Variants in SPEF2 observed in about 807,000 individuals in gnomAD.
The protein encoded by SPEF2 is sperm flagellar and cilia associated 2.
A neutral mutation model predicts 224.6 loss-of-function variants in SPEF2; 187 were observed. That is an observed-to-expected ratio of 0.83 (90% CI 0.74 to 0.94). The LOEUF is 0.94. Among genes scored for constraint, SPEF2 ranks in the 40% least tolerant of loss-of-function variants. The probability of loss-of-function intolerance (pLI) is 0.00; values close to 1 mark genes in which losing one functional copy is unlikely to be tolerated. For missense variants in SPEF2, 2,170 were observed against 2,135.6 expected, an observed-to-expected ratio of 1.02 and a Z score of -0.32; for synonymous variants, 715 against 707.3, an observed-to-expected ratio of 1.01 and a Z score of -0.17.
chr5:35,741,700 G>A (rs1747671759), intron 23 of SPEF2, among the ~76,000 whole-genome samples: 1 of 152,172 alleles, frequency 6.6e-6, no homozygotes, highest in Non-Finnish European at 1.5e-5. Context: ...TGGGTGATAG[G>A]GTGGTTGCTG....
At chr5:35,785,015 A>G (rs1754903561) in intron 30 of SPEF2, among the ~76,000 whole-genome samples, 1 of 152,230 alleles carries the variant, frequency 6.6e-6, no homozygotes, top group African/African-American at 2.4e-5. Context: ...TTATAAAAAT[A>G]CAATATTATG....
At position 35,705,800 on chromosome 5, in the gene SPEF2, A is replaced by AG; in HGVS notation, c.2658dup (p.Asn887GlufsTer2). The AG allele has an allele frequency of 6.8e-7, 1 of 1,474,238 alleles. No individual in the cohort carries two copies. The highest frequency in any genetic ancestry group is 9.2e-7 in the Non-Finnish European group (1 of 1,085,160). The allele number at this position is 1,474,238 out of a possible 1,614,324, so 91.3% of individuals were successfully genotyped here. ...CTTACGACTGAAATAGCAAAAAAAA[A>AG]GAATAAAGGTATTTACATTTGTTTA... On this transcript the variant is annotated frameshift_variant, in exon 18 of 37. Transcript: ENST00000356031. LOFTEE classifies it high-confidence loss of function.
At chr5:35,738,977 C>A (rs10037564) in intron 21 of SPEF2, among the ~76,000 whole-genome samples, 2 of 151,802 alleles carry the variant, frequency 1.3e-5, no homozygotes, top group Admixed American at 6.6e-5. Flanking sequence ...GTTCTTGTTT[C>A]AATTTTTGCA....
intron 19 of SPEF2, among the ~76,000 whole-genome samples, chr5:35,712,346 C>T (rs559218666): frequency 3.3e-5 from 5 of 152,110 alleles, no homozygotes; most frequent in Admixed American, 6.6e-5. Context: ...CCTCTAGCCT[C>T]AACCTCATCA....
At chr5:35,721,861 C>T (rs1743744521) in intron 20 of SPEF2, among the ~76,000 whole-genome samples, 1 of 152,114 alleles carries the variant, frequency 6.6e-6, no homozygotes. Context: ...CTAAACAAAG[C>T]CTTGCCAAGT....
chr5:35,685,169 A>G (rs1198058878), intron 10 of SPEF2, among the ~76,000 whole-genome samples: 1 of 152,194 alleles, frequency 6.6e-6, no homozygotes, highest in Non-Finnish European at 1.5e-5. Flanking sequence ...TAGTATGTAT[A>G]GAAGTGGCAG....
chr5:35,710,952 A>AC (rs1740989413), intron 19 of SPEF2: 1 of 886,478 alleles, frequency 1.1e-6, no homozygotes, highest in Middle Eastern at 5.8e-4. Flanking sequence ...AATTGCTGCC[A>AC]CCCAACCTTA....
Position 35,794,534 on chromosome 5 carries a change from G to A in SPEF2, c.4738-1169G>A, listed in dbSNP as rs573252628. Among the ~76,000 whole-genome samples the A allele has an allele frequency of 3.9e-5, 6 of 152,320 alleles. No homozygotes were observed. The East Asian group carries it at 1.2e-3, about 29-fold the overall frequency. ...GAGCTCTGCTACATTTATTTTCCAA[G>A]TAGATTTACAATTTGTTAAGGTGGT... On this transcript the variant is annotated intron_variant, in intron 32 of 36. Coordinates refer to ENST00000356031, the MANE Select transcript of SPEF2 (RefSeq NM_024867.4).
rs372033908 is a variant in SPEF2 at position 35,759,816 on chromosome 5, T to G, written c.3620+97T>G. 10 of 1,220,616 alleles carry G rather than the reference T, an allele frequency of 8.2e-6. No homozygotes were observed. The East Asian group carries it at 1.8e-4, about 22-fold the overall frequency. The allele number at this position is 1,220,616 out of a possible 1,614,324, so 75.6% of individuals were successfully genotyped here. A position where few individuals can be genotyped will look rare whatever the true frequency, so the allele number is the denominator to read the frequency against. ...CTAATAAAAATCACACTCCTTTATC[T>G]GCAAATCTAAGATCCAAAAAAGCTC... On this transcript the variant is annotated intron_variant, in intron 25 of 36. Coordinates refer to ENST00000356031, the MANE Select transcript of SPEF2 (RefSeq NM_024867.4).
At chr5:35,668,624 T>A (rs770973807) in intron 9 of SPEF2, among the ~76,000 whole-genome samples, 19 of 152,212 alleles carry the variant, frequency 1.2e-4, no homozygotes, top group Non-Finnish European at 2.5e-4. Context: ...TATCGTACTG[T>A]GGTTTTGCAA....
intron 7 of SPEF2, among the ~76,000 whole-genome samples, chr5:35,656,750 AT>A (rs1749009216): frequency 6.6e-6 from 1 of 152,206 alleles, no homozygotes. Context: ...TTGGAGGTAT[AT>A]TTACCAGTTT....
chr5:35,712,360 G>T (rs1482286478), intron 19 of SPEF2, among the ~76,000 whole-genome samples: 2 of 151,956 alleles, frequency 1.3e-5, no homozygotes, highest in Admixed American at 6.6e-5. Context: ...CTCATCAATA[G>T]CCGGGACTAC....
chr5:35,683,404 C>T (rs114566253), intron 10 of SPEF2, among the ~76,000 whole-genome samples: 1,640 of 152,214 alleles, frequency 0.011, 13 homozygotes, highest in Middle Eastern at 0.017. Flanking sequence ...GTGGGTGGAT[C>T]GTTTGAGTTC....
chr5:35,628,518 C>T lies in SPEF2; in HGVS notation c.117C>T (p.His39=). 1 of 1,614,026 alleles carries T rather than the reference C, an allele frequency of 6.2e-7. No homozygotes were observed. The highest frequency in any genetic ancestry group is 8.5e-7 in the Non-Finnish European group (1 of 1,179,910). ...GCTATCTACTTGGAGAAGTTCTACA[C>T]AAGTTTGAACTTCAGGATGATTTTT... is the stretch of plus-strand genomic sequence containing the variant. ...SSGYLLGEVL[H]KFELQDDFSE... is the part of the protein sequence containing the mutation. The change falls in exon 2 of 37, where the codon CAC becomes CAT. Residue 39 remains histidine (H), a synonymous_variant. Transcript: ENST00000356031.
At chr5:35,644,584 A>G in intron 4 of SPEF2, 59 bp downstream of exon 4, 1 of 1,376,552 alleles carries the variant, frequency 7.3e-7, no homozygotes, top group Non-Finnish European at 9.8e-7. Context: ...TTTGTGATTT[A>G]TGCGTATAGT....
chr5:35,794,094 T>C (rs1223161689), intron 32 of SPEF2, among the ~76,000 whole-genome samples: 4 of 152,224 alleles, frequency 2.6e-5, no homozygotes, highest in Non-Finnish European at 4.4e-5. Flanking sequence ...GGCAGAGGGT[T>C]GAGGACATGA....
intron 3 of SPEF2, 25 bp from the exon 4 acceptor site, chr5:35,644,330 C>T: frequency 6.8e-7 from 1 of 1,474,614 alleles, no homozygotes; most frequent in Non-Finnish European, 9.0e-7. Context: ...CTAATAAAAT[C>T]TTTTGAAATG....
In SPEF2 at chr5:35,807,265, C is replaced by G. The variant is rs1377974762; in HGVS notation, c.5379+12C>G. 3.1e-6 allele frequency: 5 copies of G among 1,605,276 alleles called. No homozygotes were observed. The African/African-American group carries it at 5.4e-5, about 17-fold the overall frequency. On this transcript the variant is annotated intron_variant, in intron 36 of 36. Coordinates refer to ENST00000356031, the MANE Select transcript of SPEF2 (RefSeq NM_024867.4). ...ACTATAAGTTTCCTGTGAGTATTAC[C>G]CCAAAGTGCTCTAATTTGGTTGGGC...
At chr5:35,767,463 G>A (rs1369868817) in intron 26 of SPEF2, among the ~76,000 whole-genome samples, 7 of 151,818 alleles carry the variant, frequency 4.6e-5, no homozygotes, top group Middle Eastern at 3.4e-3. Context: ...GAATTACACC[G>A]TGAATTAGTG....
Sources: allele counts gnomAD v4.1 joint callset (sites outside exome capture counted in the v4.1 genomes callset), GRCh38; gene constraint gnomAD v4.1.1; transcripts MANE v1.5; gene names NCBI Gene and HGNC (gene_info 2026-07-23, HGNC 2026-07-21).